The following FSD1L variants were observed in gnomAD, a reference collection of about 807,000 sequenced individuals.
The protein encoded by FSD1L is FSD1-like protein.
Under a neutral mutation model 71.6 loss-of-function variants are expected in FSD1L, and 45 were observed. The ratio of observed to expected loss-of-function variants is 0.63; its 90% confidence interval spans 0.49 to 0.81. FSD1L has a LOEUF of 0.81. Among genes scored for constraint, FSD1L ranks in the 30% least tolerant of loss-of-function variants. The pLI, the probability that FSD1L is intolerant of heterozygous loss-of-function variation, is 0.00. For missense variants in FSD1L, 561 were observed against 618.1 expected, an observed-to-expected ratio of 0.91 and a Z score of 0.98; for synonymous variants, 197 against 207.2, an observed-to-expected ratio of 0.95 and a Z score of 0.42.
At chr9:105,509,158 A>G (rs1026115572) in intron 9 of FSD1L, among the ~76,000 whole-genome samples, 16 of 152,204 alleles carry the variant, frequency 1.1e-4, no homozygotes, top group Non-Finnish European at 2.4e-4. Flanking sequence ...AACACTTTCA[A>G]TTCTTTATTA....
chr9:105,447,487 A>C (rs35466455), upstream of FSD1L, among the ~76,000 whole-genome samples: 2,446 of 152,228 alleles, frequency 0.016, 28 homozygotes, highest in Admixed American at 0.024. Context: ...TCAAAATCAT[A>C]CAGGTAGCGA....
chr9:105,445,963 C>A (rs1829633165), upstream of FSD1L, among the ~76,000 whole-genome samples: 2 of 152,206 alleles, frequency 1.3e-5, no homozygotes, highest in African/African-American at 4.8e-5. Context: ...CCAGCCTTAG[C>A]CAAGCTCTTC....
intron 7 of FSD1L, among the ~76,000 whole-genome samples, chr9:105,492,647 A>G (rs966586985): frequency 5.9e-5 from 9 of 152,074 alleles, no homozygotes; most frequent in Non-Finnish European, 2.9e-5. Context: ...AGTGTTATAA[A>G]TTTCCCTCTA....
Position 105,512,844 on chromosome 9 carries a change from G to T in FSD1L, c.933G>T (p.Leu311Phe). 6.5e-7 allele frequency: 1 copy of T among 1,538,258 alleles called. No individual in the cohort carries two copies. Among genetic ancestry groups the T allele is most frequent in the South Asian group, 1.2e-5 (1 of 82,048 alleles). Residue 311 changes from leucine (L) to phenylalanine (F), a missense_variant, in exon 10 of 14, where the codon TTG (leucine) becomes TTT (phenylalanine). Leu to Phe is a conservative substitution (Grantham distance 22, BLOSUM62 0). Coordinates refer to ENST00000481272, the MANE Select transcript of FSD1L (RefSeq NM_001145313.3). ...ATTTGGATAACTCCTCATCCCATTTGAACCTGAAAGTTGAAGATACATGTG... is the reference window on the plus strand; with the variant it reads ...ATTTGGATAACTCCTCATCCCATTTTAACCTGAAAGTTGAAGATACATGTG... ...NFNLDNSSSH[L>F]NLKVEDTCVE...
At chr9:105,448,279 C>A in intron 1 of FSD1L, 44 bp downstream of exon 1, 4 of 1,512,018 alleles carry the variant, frequency 2.6e-6, no homozygotes, top group South Asian at 2.5e-5. Context: ...ACAAGCCGGG[C>A]CGGCACAGGG....
At chr9:105,522,820 C>G in intron 10 of FSD1L, 1 of 1,613,040 alleles carries the variant, frequency 6.2e-7, no homozygotes, top group Non-Finnish European at 8.5e-7. Context: ...TCGACTATGA[C>G]AAGAAGAGGA....
At chr9:105,517,862 T>C (rs919918355) in intron 10 of FSD1L, among the ~76,000 whole-genome samples, 1 of 152,168 alleles carries the variant, frequency 6.6e-6, no homozygotes, top group Non-Finnish European at 1.5e-5. Context: ...AGACACAGAC[T>C]GGCAAACTGG....
At chr9:105,521,067 A>G (rs1322984346) in intron 10 of FSD1L, 5 of 1,613,384 alleles carry the variant, frequency 3.1e-6, no homozygotes, top group African/African-American at 1.3e-5. Flanking sequence ...CATCCCGCAG[A>G]TGAGACCAAA....
chr9:105,515,934 A>G (rs1299644287), intron 10 of FSD1L, among the ~76,000 whole-genome samples: 1 of 152,074 alleles, frequency 6.6e-6, no homozygotes, highest in Non-Finnish European at 1.5e-5. Context: ...GCAAACTAAA[A>G]TCCACTGGCT....
At chr9:105,465,098 C>A (rs1431785883) in intron 3 of FSD1L, among the ~76,000 whole-genome samples, 1 of 152,008 alleles carries the variant, frequency 6.6e-6, no homozygotes, top group Non-Finnish European at 1.5e-5. Context: ...GAAAATAGTT[C>A]CAGGTTTGGG....
intron 10 of FSD1L, among the ~76,000 whole-genome samples, chr9:105,513,411 A>G (rs1834513662): frequency 6.6e-6 from 1 of 152,220 alleles, no homozygotes; most frequent in Non-Finnish European, 1.5e-5. Flanking sequence ...AAATAAAGTC[A>G]AAACATGGGA....
At chr9:105,465,506 A>G (rs1830999236) in intron 3 of FSD1L, among the ~76,000 whole-genome samples, 2 of 152,204 alleles carry the variant, frequency 1.3e-5, no homozygotes, top group African/African-American at 4.8e-5. Flanking sequence ...AAAAATCCTC[A>G]ATAAAATACT....
intron 7 of FSD1L, among the ~76,000 whole-genome samples, chr9:105,503,444 C>T (rs913740186): frequency 6.6e-6 from 1 of 152,192 alleles, no homozygotes; most frequent in African/African-American, 2.4e-5. Context: ...ATTATCTACT[C>T]TTAGCCATTT....
At chr9:105,473,722 A>G (rs1387987019) in intron 5 of FSD1L, among the ~76,000 whole-genome samples, 1 of 152,158 alleles carries the variant, frequency 6.6e-6, no homozygotes. Context: ...TTAAGGAGAG[A>G]CTGATACTTG....
intron 10 of FSD1L, among the ~76,000 whole-genome samples, chr9:105,533,392 G>A (rs546854659): frequency 9.7e-6 from 1 of 103,202 alleles, no homozygotes; most frequent in Non-Finnish European, 2.0e-5. Context: ...CCTGTGCAAG[G>A]ATTTGGATAA....
chr9:105,443,825 G>T (rs897946512), upstream of FSD1L, among the ~76,000 whole-genome samples: 3 of 152,064 alleles, frequency 2.0e-5, no homozygotes, highest in African/African-American at 7.2e-5. Context: ...AATATTTTTT[G>T]AATGCTCACT....
At chr9:105,494,453 C>T (rs1337637042) in intron 7 of FSD1L, among the ~76,000 whole-genome samples, 2 of 152,164 alleles carry the variant, frequency 1.3e-5, no homozygotes, top group Non-Finnish European at 2.9e-5. Context: ...TGAATTTCCT[C>T]CTGTAGCTTG....
chr9:105,512,351 G>C (rs1834443853), intron 9 of FSD1L, among the ~76,000 whole-genome samples: 1 of 152,032 alleles, frequency 6.6e-6, no homozygotes, highest in African/African-American at 2.4e-5. Flanking sequence ...GTGTAGGTAT[G>C]AAATTATTAA....
chr9:105,495,766 G>A (rs1003925458), intron 7 of FSD1L, among the ~76,000 whole-genome samples: 1 of 152,168 alleles, frequency 6.6e-6, no homozygotes, highest in African/African-American at 2.4e-5. Flanking sequence ...CACAAGGTCA[G>A]GAGATCGAGA....
Sources: gnomAD v4.1 joint callset for allele counts (sites outside exome capture counted in the v4.1 genomes callset) on GRCh38, gnomAD v4.1.1 for gene constraint, MANE v1.5 for transcripts, NCBI Gene and HGNC (gene_info 2026-07-23, HGNC 2026-07-21) for gene names.